The following NSMCE1 variants were observed in gnomAD, a reference collection of about 807,000 sequenced individuals.
NSMCE1 encodes the protein NSE1 component of SMC5/6 complex.
In NSMCE1, 18 loss-of-function variants were observed where a neutral mutation model predicts 29.6. The observed-to-expected ratio is 0.61, with a 90% CI of 0.42 to 0.90. NSMCE1 has a LOEUF of 0.90. Ranked by LOEUF, NSMCE1 falls within the 40% of genes least tolerant of loss-of-function variation. The pLI is 0.00. For missense variants in NSMCE1, 314 were observed against 343.6 expected, an observed-to-expected ratio of 0.91 and a Z score of 0.68; for synonymous variants, 124 against 133.4, an observed-to-expected ratio of 0.93 and a Z score of 0.49.
chr16:27,254,832 G>A (rs1406480315), intron 2 of NSMCE1, among the ~76,000 whole-genome samples: 1 of 143,456 alleles, frequency 7.0e-6, no homozygotes, highest in Non-Finnish European at 1.5e-5. Flanking sequence ...CATTTCTGGA[G>A]GATATTGAGG....
chr16:27,260,555 T>G (rs1320898833), intron 1 of NSMCE1, among the ~76,000 whole-genome samples: 1 of 152,186 alleles, frequency 6.6e-6, no homozygotes, highest in Non-Finnish European at 1.5e-5. Context: ...AGACAAGGAC[T>G]GTTAGACCAG....
intron 2 of NSMCE1, among the ~76,000 whole-genome samples, chr16:27,254,866 CTTTTTTTTTTTTTTT>C (rs61088115): frequency 4.3e-5 from 2 of 46,914 alleles, no homozygotes; most frequent in African/African-American, 1.8e-4. Flanking sequence ...TCCAACCATG[CTTTTTTTTTTTTTTT>C]TTTTTTTTTT....
chr16:27,226,975 G>A (rs553293710), intron 5 of NSMCE1, 139 bp from the exon 6 acceptor site: 64 of 641,060 alleles, frequency 1.0e-4, no homozygotes, highest in East Asian at 8.8e-4. Context: ...CCCAGCCAAC[G>A]GGCATCAGCC....
intron 4 of NSMCE1, among the ~76,000 whole-genome samples, chr16:27,233,649 T>C (rs1281934368): frequency 6.6e-6 from 1 of 152,228 alleles, no homozygotes; most frequent in African/African-American, 2.4e-5. Context: ...ACCTCTGCAG[T>C]TATTATCATT....
At position 27,226,739 on chromosome 16, in the gene NSMCE1, C is replaced by CA. The variant is rs1399525681; in HGVS notation, c.580dup (p.Cys194LeufsTer32). On this transcript the variant is annotated frameshift_variant, in exon 6 of 8. Transcript: ENST00000361439. LOFTEE classifies it high-confidence loss of function. The stretch of plus-strand genomic sequence containing the variant: ...GGGTACCTGGATGAGGAGGCTGTGA[C>CA]AGATATTGCAGATCTTCACCGCGTC... The CA allele has an allele frequency of 1.2e-6, 2 of 1,612,082 alleles. No individual in the cohort carries two copies. Among genetic ancestry groups the CA allele is most frequent in the South Asian group, 2.2e-5 (2 of 91,042 alleles).
chr16:27,257,486 C>T lies in NSMCE1; in HGVS notation c.85G>A (p.Glu29Lys). 4 of 1,614,042 alleles carry T rather than the reference C, an allele frequency of 2.5e-6. No homozygotes were observed. The highest frequency in any genetic ancestry group is 3.4e-6 in the Non-Finnish European group (4 of 1,179,938). The change falls in exon 2 of 8, where the codon GAG becomes AAG. Residue 29 changes from glutamate (E) to lysine (K), a missense_variant. Glu to Lys is a moderately conservative substitution (Grantham distance 56). Coordinates refer to ENST00000361439, the MANE Select transcript of NSMCE1 (RefSeq NM_145080.4). Reference protein sequence around the residue: ...LQLLMTHGVLEEWDVKRLQTH... With the variant: ...LQLLMTHGVLKEWDVKRLQTH... The stretch of plus-strand genomic sequence containing the variant: ...TGCAAGCGCTTCACGTCCCATTCCT[C>T]TAGCACGCCATGGGTCATCAGCAAC...
intron 2 of NSMCE1, among the ~76,000 whole-genome samples, chr16:27,240,689 T>C (rs1316135246): frequency 1.3e-5 from 2 of 152,230 alleles, no homozygotes; most frequent in African/African-American, 4.8e-5. Flanking sequence ...AACAGGACAC[T>C]TCTCCCCTAA....
At position 27,225,813 on chromosome 16, in the gene NSMCE1, G is replaced by A; in HGVS notation, c.634C>T (p.His212Tyr). 1.2e-6 allele frequency: 2 copies of A among 1,614,112 alleles called. No individual in the cohort carries two copies. Among genetic ancestry groups the A allele is most frequent in the Middle Eastern group, 1.6e-4 (1 of 6,062 alleles). ...QSCETCGIRM[H>Y]LPCVAKYFQS... ...AAGTACTTGGCCACGCAGGGTAAGT[G>A]CATCCTGATCCCACAGGTTTCGCAG... The change falls in exon 7 of 8, where the codon CAC (histidine) becomes TAC (tyrosine). Residue 212 changes from histidine to tyrosine, a missense_variant. Transcript: ENST00000361439.
At chr16:27,258,766 T>C (rs2084117625) in intron 1 of NSMCE1, among the ~76,000 whole-genome samples, 1 of 152,034 alleles carries the variant, frequency 6.6e-6, no homozygotes, top group Non-Finnish European at 1.5e-5. Context: ...TTCTTTTTTT[T>C]CTGAGATGGA....
chr16:27,255,661 G>A (rs1567282937), intron 2 of NSMCE1, among the ~76,000 whole-genome samples: 1 of 152,158 alleles, frequency 6.6e-6, no homozygotes, highest in East Asian at 1.9e-4. Flanking sequence ...ACTTCAAACT[G>A]CTTCTTCTCC....
intron 1 of NSMCE1, among the ~76,000 whole-genome samples, chr16:27,267,369 A>C (rs985755854): frequency 6.6e-6 from 1 of 152,172 alleles, no homozygotes; most frequent in Admixed American, 6.5e-5. Context: ...AAACCAGAAC[A>C]ACCTTATGAG....
At position 27,226,890 on chromosome 16, in the gene NSMCE1, C is replaced by T. The variant is rs1347432205; in HGVS notation, c.484-54G>A. 5.6e-6 allele frequency: 6 copies of T among 1,076,306 alleles called. 1 individual carries two copies. Among genetic ancestry groups the T allele is most frequent in the Non-Finnish European group, 8.6e-6 (6 of 696,618 alleles). 66.7% of individuals were successfully genotyped at this position (1,076,306 alleles called of 1,614,324 possible). On this transcript the variant is annotated intron_variant, in intron 5 of 7. Transcript: ENST00000361439. ...CTCAGCCAGGCCCTCTCCCCATTCA[C>T]CACCTCTCTTCCCTCTGTGATCCCA...
chr16:27,235,434 T>A (rs771005642), intron 2 of NSMCE1, 135 bp from the exon 3 acceptor site: 1 of 905,310 alleles, frequency 1.1e-6, no homozygotes, highest in African/African-American at 1.7e-5. Flanking sequence ...TGCAGCCTCT[T>A]GGGTGAACGC....
In NSMCE1 at chr16:27,254,866, C is replaced by CTT. The variant is rs61088115; in HGVS notation, c.136+2567_136+2568dup. On this transcript the variant is annotated intron_variant, in intron 2 of 7. Coordinates refer to ENST00000361439, the MANE Select transcript of NSMCE1 (RefSeq NM_145080.4). Reference sequence around the variant, plus strand: ...GGGGTAGGTTTAAAGTCCAACCATGCTTTTTTTTTTTTTTTTTTTTTTTTT... The same window carrying CTT: ...GGGGTAGGTTTAAAGTCCAACCATGCTTTTTTTTTTTTTTTTTTTTTTTTTTT... Among the ~76,000 whole-genome samples the CTT allele has an allele frequency of 6.0e-4, 28 of 46,912 alleles. 5 individuals carry two copies. The highest frequency in any genetic ancestry group is 1.6e-3 in the African/African-American group (18 of 11,082). 30.8% of individuals were successfully genotyped at this position (46,912 alleles called of 152,430 possible).
chr16:27,234,645 G>GTT (rs957664655), intron 3 of NSMCE1, among the ~76,000 whole-genome samples: 76 of 152,282 alleles, frequency 5.0e-4, no homozygotes, highest in Non-Finnish European at 9.3e-4. Context: ...ACTCTGTAAT[G>GTT]TTTTTTTTCC....
In NSMCE1 at chr16:27,225,210, C is replaced by T. The variant is rs1348776131; in HGVS notation, c.748G>A (p.Glu250Lys). ...TTGTTCGATTTCAAGACACCAGACTCCCTCTCCTTCTCAGGGTCGAAGACT... is the reference window on the plus strand; with the variant it reads ...TTGTTCGATTTCAAGACACCAGACTTCCTCTCCTTCTCAGGGTCGAAGACT... The part of the protein sequence containing the change: ...PKVFDPEKER[E>K]SGVLKSNKKS... The change falls in exon 8 of 8, where the codon GAG (glutamate) becomes AAG (lysine). Residue 250 changes from glutamate to lysine, a missense_variant. Glu to Lys is a moderately conservative substitution (Grantham distance 56). Coordinates refer to ENST00000361439, the MANE Select transcript of NSMCE1 (RefSeq NM_145080.4). The T allele has an allele frequency of 6.2e-7, 1 of 1,607,212 alleles. No homozygotes were observed. The highest frequency in any genetic ancestry group is 8.5e-7 in the Non-Finnish European group (1 of 1,175,876).
At chr16:27,227,375 G>A (rs1332551896) in intron 5 of NSMCE1, among the ~76,000 whole-genome samples, 2 of 152,376 alleles carry the variant, frequency 1.3e-5, no homozygotes, top group East Asian at 3.9e-4. Context: ...GTCTGGAGAG[G>A]GCAGACAGGC....
chr16:27,245,163 C>T (rs895076073), intron 2 of NSMCE1, among the ~76,000 whole-genome samples: 1 of 152,192 alleles, frequency 6.6e-6, no homozygotes, highest in Non-Finnish European at 1.5e-5. Flanking sequence ...AACATACATT[C>T]CCTTGCTTAA....
chr16:27,266,634 T>C (rs908096151), intron 1 of NSMCE1: 25 of 151,998 alleles, frequency 1.6e-4, no homozygotes, highest in Non-Finnish European at 2.1e-4. Flanking sequence ...AAAAAAAAAT[T>C]ACTTTTTTTA....
Sources: allele counts gnomAD v4.1 joint callset (sites outside exome capture counted in the v4.1 genomes callset), GRCh38; gene constraint gnomAD v4.1.1; transcripts MANE v1.5; gene names NCBI Gene and HGNC (gene_info 2026-07-23, HGNC 2026-07-21).